Variants in NOVA1 observed in about 807,000 individuals in gnomAD.
NOVA1 encodes RNA-binding protein Nova-1.
NOVA1 carries 7 observed loss-of-function variants against 38.0 expected under a neutral mutation model. The ratio of observed to expected loss-of-function variants is 0.18; its 90% confidence interval spans 0.10 to 0.35. NOVA1 has a LOEUF of 0.35. Among genes scored for constraint, NOVA1 ranks in the 10% least tolerant of loss-of-function variants. The pLI is 1.00. For missense variants in NOVA1, 460 were observed against 616.0 expected, an observed-to-expected ratio of 0.75 and a Z score of 2.68; for synonymous variants, 270 against 232.5, an observed-to-expected ratio of 1.16 and a Z score of -1.47.
intron 2 of NOVA1, 54 bp downstream of exon 2, chr14:26,595,356 A>T: frequency 1.3e-6 from 2 of 1,552,512 alleles, no homozygotes. Context: ...ACACAAGTAG[A>T]TCTTTCTTTC....
chr14:26,536,621 A>G (rs1390517694), intron 2 of NOVA1, among the ~76,000 whole-genome samples: 1 of 152,158 alleles, frequency 6.6e-6, no homozygotes, highest in Non-Finnish European at 1.5e-5. Context: ...CTTAAATTCT[A>G]TATAAATTAG....
intron 2 of NOVA1, among the ~76,000 whole-genome samples, chr14:26,525,109 G>A (rs954554983): frequency 6.6e-6 from 1 of 152,106 alleles, no homozygotes; most frequent in Non-Finnish European, 1.5e-5. Context: ...TGAGGATCAA[G>A]ACCAGCTTAA....
At chr14:26,573,562 G>T (rs543520464) in intron 2 of NOVA1, among the ~76,000 whole-genome samples, 23 of 152,168 alleles carry the variant, frequency 1.5e-4, no homozygotes, top group African/African-American at 5.3e-4. Context: ...ATAAAGGGGG[G>T]CATGATAAAT....
At chr14:26,583,055 T>C (rs2138775841) in intron 2 of NOVA1, among the ~76,000 whole-genome samples, 1 of 151,924 alleles carries the variant, frequency 6.6e-6, no homozygotes, top group Non-Finnish European at 1.5e-5. Context: ...GAGAGGAACA[T>C]ACCTTTCCTT....
intron 4 of NOVA1, 113 bp from the exon 5 acceptor site, chr14:26,449,076 TGAAA>T: frequency 2.0e-6 from 2 of 995,108 alleles, no homozygotes; most frequent in Non-Finnish European, 1.4e-6. Flanking sequence ...ACATAATTTA[TGAAA>T]CAGAAATATC....
chr14:26,449,802 T>C (rs1038144085), intron 4 of NOVA1, among the ~76,000 whole-genome samples: 3 of 152,104 alleles, frequency 2.0e-5, no homozygotes, highest in Non-Finnish European at 4.4e-5. Flanking sequence ...TTTCAGAGGA[T>C]ACTGAAAAAT....
chr14:26,552,410 T>C (rs1891217064), intron 2 of NOVA1, among the ~76,000 whole-genome samples: 1 of 152,124 alleles, frequency 6.6e-6, no homozygotes. Context: ...GAGGTATGGA[T>C]GATTCAACTG....
intron 2 of NOVA1, among the ~76,000 whole-genome samples, chr14:26,484,718 G>T (rs918658679): frequency 6.6e-6 from 1 of 151,902 alleles, no homozygotes; most frequent in Non-Finnish European, 1.5e-5. Flanking sequence ...AGCTGTACCT[G>T]GATAAATCTA....
chr14:26,486,042 T>C (rs1885857961), intron 2 of NOVA1, among the ~76,000 whole-genome samples: 1 of 152,208 alleles, frequency 6.6e-6, no homozygotes, highest in Non-Finnish European at 1.5e-5. Context: ...TAGAGATAAC[T>C]GCTACTTATT....
rs148639286 is a variant in NOVA1 at position 26,500,424 on chromosome 14, G to C, written c.281-20281C>G. On this transcript the variant is annotated intron_variant, in intron 2 of 4. Coordinates refer to ENST00000539517, the MANE Select transcript of NOVA1 (RefSeq NM_002515.3). Reference sequence around the variant, plus strand: ...ATCACAAAAGCTCTTGAGGTAAGGGGCCATCCCAGGAAAAGAGAACTACAT... The same window carrying C: ...ATCACAAAAGCTCTTGAGGTAAGGGCCCATCCCAGGAAAAGAGAACTACAT... Among the ~76,000 whole-genome samples, 713 of 152,016 alleles carry C rather than the reference G, an allele frequency of 4.7e-3. 6 individuals are homozygous for C. The highest frequency in any genetic ancestry group is 0.016 in the African/African-American group (680 of 41,514).
chr14:26,585,341 C>A (rs2138786129), intron 2 of NOVA1, among the ~76,000 whole-genome samples: 1 of 151,508 alleles, frequency 6.6e-6, no homozygotes, highest in South Asian at 2.1e-4. Context: ...TTCCACTCTA[C>A]TATACAGCTG....
chr14:26,514,754 T>C (rs2138472264), intron 2 of NOVA1, among the ~76,000 whole-genome samples: 1 of 152,008 alleles, frequency 6.6e-6, no homozygotes, highest in Non-Finnish European at 1.5e-5. Context: ...TTTAAATATT[T>C]CAAATGAGCT....
At chr14:26,533,912 G>C (rs954015671) in intron 2 of NOVA1, among the ~76,000 whole-genome samples, 2 of 152,048 alleles carry the variant, frequency 1.3e-5, no homozygotes, top group East Asian at 3.9e-4. Flanking sequence ...AATGAAAAAG[G>C]CCTATCAAAT....
At chr14:26,449,767 A>G (rs1882477413) in intron 4 of NOVA1, among the ~76,000 whole-genome samples, 1 of 152,124 alleles carries the variant, frequency 6.6e-6, no homozygotes. Context: ...GCTTACTACC[A>G]TCTTACCAAA....
rs578168017 is a variant in NOVA1, at chr14:26,584,552, C to T, written c.280+10858G>A. 5.9e-5 allele frequency among the ~76,000 whole-genome samples: 9 copies of T among 151,388 alleles called. No homozygotes were observed. In the East Asian group the frequency reaches 1.7e-3, roughly 29 times the overall value. ...TTCATATGCACTAGATTGTCTCTTA[C>T]CTGTACAGATATCTATAGTGCCTCC... On this transcript the variant is annotated intron_variant, in intron 2 of 4. Coordinates refer to ENST00000539517, the MANE Select transcript of NOVA1 (RefSeq NM_002515.3).
At chr14:26,546,631 T>C (rs1424642230) in intron 2 of NOVA1, among the ~76,000 whole-genome samples, 1 of 152,196 alleles carries the variant, frequency 6.6e-6, no homozygotes, top group Non-Finnish European at 1.5e-5. Flanking sequence ...GGTTCTAGTA[T>C]CTCTTCTTAA....
chr14:26,585,103 T>A (rs889908508), intron 2 of NOVA1, among the ~76,000 whole-genome samples: 2 of 151,532 alleles, frequency 1.3e-5, no homozygotes, highest in East Asian at 1.9e-4. Flanking sequence ...GAGTGCTATC[T>A]ATTAAATCTT....
At chr14:26,524,505 A>C (rs1193207752) in intron 2 of NOVA1, among the ~76,000 whole-genome samples, 1 of 152,178 alleles carries the variant, frequency 6.6e-6, no homozygotes, top group East Asian at 1.9e-4. Flanking sequence ...ACTCAACATT[A>C]AAATGTCCGC....
At chr14:26,596,638 T>A in intron 1 of NOVA1, 1 of 1,289,116 alleles carries the variant, frequency 7.8e-7, no homozygotes, top group Non-Finnish European at 1.0e-6. Context: ...GCGATATCGG[T>A]CCCGTTAAAA....
Sources: allele counts gnomAD v4.1 joint callset (sites outside exome capture counted in the v4.1 genomes callset), GRCh38; gene constraint gnomAD v4.1.1; transcripts MANE v1.5; gene names NCBI Gene and HGNC (gene_info 2026-07-23, HGNC 2026-07-21).